Variants in CASP14 observed in about 807,000 individuals in gnomAD.
CASP14 encodes the protein caspase-14.
A neutral mutation model predicts 28.4 loss-of-function variants in CASP14; 27 were observed. That is an observed-to-expected ratio of 0.95 (90% confidence interval 0.70 to 1.31). The LOEUF (loss-of-function observed/expected upper bound fraction) is 1.31, where lower values mean the gene tolerates loss of function less well. CASP14 is among the 50% of genes most tolerant of loss of function. CASP14 has a pLI of 0.00. For missense variants in CASP14, 323 were observed against 312.8 expected (o/e 1.03, Z -0.25); for synonymous variants, 115 against 118.6 (o/e 0.97, Z 0.20).
intron 4 of CASP14, 56 bp from the exon 5 acceptor site, chr19:15,055,102 G>A: frequency 5.0e-6 from 7 of 1,398,086 alleles, no homozygotes; most frequent in Admixed American, 3.4e-5. Flanking sequence ...ACCCTGCCCA[G>A]CCCCTTTCCT....
At position 15,055,995 on chromosome 19, in the gene CASP14, G is replaced by A. The variant is rs1030524257; in HGVS notation, c.635G>A (p.Arg212Gln). 1.2e-5 allele frequency: 19 copies of A among 1,606,360 alleles called. No individual in the cohort carries two copies. Among genetic ancestry groups the A allele is most frequent in the African/African-American group, 5.4e-5 (4 of 74,744 alleles). ...CACCTGTTGCTGCAGGTGACCCGGC[G>A]GATGGCAGAAGCAGAGCTGGTTCAA... ...ILELLTEVTR[R>Q]MAEAELVQEG... is the part of the protein sequence containing the mutation. Residue 212 changes from arginine (R) to glutamine (Q), a missense_variant, in exon 7 of 7, where the codon CGG (arginine) becomes CAG (glutamine). Transcript: ENST00000427043.
chr19:15,055,941 C>T (rs1346324701), intron 6 of CASP14, 44 bp from the exon 7 acceptor site: 1 of 1,504,762 alleles, frequency 6.6e-7, no homozygotes, highest in Non-Finnish European at 9.1e-7. Flanking sequence ...CCCCATAAGT[C>T]CATGACACTG....
At position 15,052,202 on chromosome 19, in the gene CASP14, C is replaced by G. The variant is rs779115942; in HGVS notation, c.-46-4C>G. ...ACTTTAACCTATCTTCTCTTGACTC[C>G]AAGGATCAGACAAGGGTGCTGAGAG... On this transcript the variant is annotated splice_region_variant and splice_polypyrimidine_tract_variant and intron_variant, in intron 1 of 6. Coordinates refer to ENST00000427043, the MANE Select transcript of CASP14 (RefSeq NM_012114.3). The G allele has an allele frequency of 1.1e-5, 18 of 1,569,312 alleles. No individual in the cohort carries two copies. The highest frequency in any genetic ancestry group is 1.6e-5 in the Non-Finnish European group (18 of 1,159,738).
In CASP14 at chr19:15,053,673, C is replaced by T. The variant is rs201849630; in HGVS notation, c.177+42C>T. ...TCCAGGCCTGTTTGGGGGAAAGGTA[C>T]TAGGTTGGAAGTGTAGGCTATGGGG... is the stretch of plus-strand genomic sequence containing the variant. On this transcript the variant is annotated intron_variant, in intron 3 of 6. Transcript: ENST00000427043. The T allele has an allele frequency of 5.6e-6, 9 of 1,613,940 alleles. No homozygotes were observed. The South Asian group carries it at 9.9e-5, about 18-fold the overall frequency.
rs1269353224 is a variant in CASP14, at chr19:15,055,969, A to C, written c.625-16A>C. 6.3e-7 allele frequency: 1 copy of C among 1,592,040 alleles called. No individual in the cohort carries two copies. Reference sequence around the variant, plus strand: ...TGACACTGACTCCTCCAAGCTCACCACACCTGTTGCTGCAGGTGACCCGGC... The same window carrying C: ...TGACACTGACTCCTCCAAGCTCACCCCACCTGTTGCTGCAGGTGACCCGGC... On this transcript the variant is annotated splice_polypyrimidine_tract_variant and intron_variant, in intron 6 of 6. Transcript: ENST00000427043.
chr19:15,054,638 T>C (rs1451396792), intron 4 of CASP14, among the ~76,000 whole-genome samples: 1 of 112,088 alleles, frequency 8.9e-6, no homozygotes, highest in African/African-American at 3.4e-5. Context: ...CACAAAAGCA[T>C]CCTTTTTTTT....
At chr19:15,055,951 G>A (rs73518121) in intron 6 of CASP14, 34 bp from the exon 7 acceptor site, 1 of 1,549,192 alleles carries the variant, frequency 6.5e-7, no homozygotes. Context: ...CCATGACACT[G>A]ACTCCTCCAA....
In CASP14 at chr19:15,056,276, C is replaced by G. The variant is rs1356548828; in HGVS notation, c.*187C>G. ...AGAGCAAGCCAGCCAAAACTTAGCA[C>G]AAGGCATGGTGGCAACATTAACATC... On this transcript the variant is annotated 3_prime_UTR_variant, in exon 7 of 7. Coordinates refer to ENST00000427043, the MANE Select transcript of CASP14 (RefSeq NM_012114.3). 1.2e-5 allele frequency: 6 copies of G among 518,078 alleles called. No homozygotes were observed. The highest frequency in any genetic ancestry group is 1.8e-5 in the Non-Finnish European group (5 of 278,028). The allele number at this position is 518,078 out of a possible 1,614,324, so 32.1% of individuals were successfully genotyped here.
chr19:15,052,438 G>A (rs2046095434), intron 2 of CASP14, among the ~76,000 whole-genome samples, 160 bp downstream of exon 2: 1 of 152,156 alleles, frequency 6.6e-6, no homozygotes, highest in Non-Finnish European at 1.5e-5. Flanking sequence ...AAGACTCAGA[G>A]ATGGAACCGA....
At chr19:15,053,385 G>T in intron 2 of CASP14, 97 bp from the exon 3 acceptor site, 1 of 1,494,402 alleles carries the variant, frequency 6.7e-7, no homozygotes. Flanking sequence ...TGGGATCACA[G>T]GCATGAGCCA....
Position 15,053,636 on chromosome 19 carries a change from T to G in CASP14, c.177+5T>G. 2 of 1,614,032 alleles carry G rather than the reference T, an allele frequency of 1.2e-6. No individual in the cohort carries two copies. The highest frequency in any genetic ancestry group is 1.7e-6 in the Non-Finnish European group (2 of 1,179,996). On this transcript the variant is annotated splice_donor_5th_base_variant and intron_variant, in intron 3 of 6. Coordinates refer to ENST00000427043, the MANE Select transcript of CASP14 (RefSeq NM_012114.3). Reference sequence around the variant, plus strand: ...AAAAGAGACCCCACTGCCGAGGTATTGGGGTGCCTACTCCAGGCCTGTTTG... The same window carrying G: ...AAAAGAGACCCCACTGCCGAGGTATGGGGGTGCCTACTCCAGGCCTGTTTG...
intron 1 of CASP14, among the ~76,000 whole-genome samples, chr19:15,050,181 G>C (rs146772273): frequency 6.6e-6 from 1 of 152,090 alleles, no homozygotes; most frequent in Non-Finnish European, 1.5e-5. Context: ...GTGAGATGCC[G>C]AAGGTCACAC....
chr19:15,050,808 G>A (rs963660243), intron 1 of CASP14, among the ~76,000 whole-genome samples: 4 of 151,270 alleles, frequency 2.6e-5, no homozygotes, highest in African/African-American at 7.3e-5. Context: ...GTAGACAGAC[G>A]GATGAATAGA....
At chr19:15,052,574 G>A (rs945605173) in intron 2 of CASP14, among the ~76,000 whole-genome samples, 1 of 152,168 alleles carries the variant, frequency 6.6e-6, no homozygotes, top group African/African-American at 2.4e-5. Context: ...TTTTTTAAAA[G>A]ATGAAGTTCT....
rs567602898 is a variant in CASP14, at chr19:15,051,704, C to T, written c.-46-502C>T. ...AGCAAGGGAGGTGGATTGACCCCTTCGTATTGGAGACCCAGTGAGATAATA... is the reference window on the plus strand; with the variant it reads ...AGCAAGGGAGGTGGATTGACCCCTTTGTATTGGAGACCCAGTGAGATAATA... On this transcript the variant is annotated intron_variant, in intron 1 of 6. Transcript: ENST00000427043. Among the ~76,000 whole-genome samples, 5 of 152,126 alleles carry T rather than the reference C, an allele frequency of 3.3e-5. No homozygotes were observed. The East Asian group carries it at 9.7e-4, about 29-fold the overall frequency.
At chr19:15,052,362 G>C (rs1477399939) in intron 2 of CASP14, 84 bp downstream of exon 2, 2 of 1,311,970 alleles carry the variant, frequency 1.5e-6, no homozygotes, top group African/African-American at 3.1e-5. Context: ...AGAGTGGAGG[G>C]ACTGAAAAAA....
intron 1 of CASP14, among the ~76,000 whole-genome samples, chr19:15,050,379 CAGA>C (rs2046084571): frequency 6.6e-6 from 1 of 151,696 alleles, no homozygotes; most frequent in Non-Finnish European, 1.5e-5. Context: ...ACTAGAGCTA[CAGA>C]AGGACAGAAA....
chr19:15,054,028 A>T (rs2145282379), intron 4 of CASP14, 70 bp downstream of exon 4: 2 of 1,300,356 alleles, frequency 1.5e-6, no homozygotes, highest in African/African-American at 1.5e-5. Flanking sequence ...GACAGCACCC[A>T]GGCTGGAATG....
rs1450524030 is a variant in CASP14, at chr19:15,055,141, T to G, written c.404-17T>G. On this transcript the variant is annotated splice_polypyrimidine_tract_variant and intron_variant, in intron 4 of 6. Transcript: ENST00000427043. The stretch of plus-strand genomic sequence containing the variant: ...CTTTCTCTCTGACTTTGCCTCCTCC[T>G]CTTCTTGTTGTTTCAGAACAAAGGG... 6.2e-7 allele frequency: 1 copy of G among 1,606,014 alleles called. No homozygotes were observed. The highest frequency in any genetic ancestry group is 8.5e-7 in the Non-Finnish European group (1 of 1,172,782).
Sources: gnomAD v4.1 joint callset for allele counts (sites outside exome capture counted in the v4.1 genomes callset) on GRCh38, gnomAD v4.1.1 for gene constraint, MANE v1.5 for transcripts, NCBI Gene and HGNC (gene_info 2026-07-23, HGNC 2026-07-21) for gene names.